FOXP2: variants seen among roughly 807,000 people sequenced by gnomAD.
FOXP2 encodes the protein forkhead box P2.
A neutral mutation model predicts 115.8 loss-of-function variants in FOXP2; 12 were observed. The ratio of observed to expected loss-of-function variants is 0.10; its 90% CI spans 0.07 to 0.17. The LOEUF is 0.17. Ranked by LOEUF, FOXP2 falls within the 10% of genes least tolerant of loss-of-function variation. The pLI is 1.00. For synonymous variants in FOXP2, 328 were observed against 297.7 expected, an observed-to-expected ratio of 1.10 and a Z score of -1.05; for missense variants, 629 against 843.5, an observed-to-expected ratio of 0.75 and a Z score of 3.15.
chr7:114,267,428 T>C (rs1795920436), intron 1 of FOXP2, among the ~76,000 whole-genome samples: 1 of 152,102 alleles, frequency 6.6e-6, no homozygotes, highest in African/African-American at 2.4e-5. Flanking sequence ...TACTTCTTTT[T>C]CAATTGTAGT....
At chr7:114,352,628 T>C (rs1037412961) in intron 2 of FOXP2, among the ~76,000 whole-genome samples, 1 of 152,200 alleles carries the variant, frequency 6.6e-6, no homozygotes, top group Admixed American at 6.5e-5. Flanking sequence ...CCTCAGACTT[T>C]TCTCCTTAGC....
chr7:114,468,376 ACTTG>A (rs1795901358), intron 2 of FOXP2, among the ~76,000 whole-genome samples: 1 of 152,048 alleles, frequency 6.6e-6, no homozygotes, highest in African/African-American at 2.4e-5. Context: ...CATGTCGCTC[ACTTG>A]CTTAAGAAAA....
chr7:114,343,097 A>T (rs1282886184), intron 2 of FOXP2, among the ~76,000 whole-genome samples: 1 of 151,602 alleles, frequency 6.6e-6, no homozygotes, highest in African/African-American at 2.4e-5. Context: ...TCATCTCTAG[A>T]ACTAAGTATT....
At chr7:114,199,578 G>A (rs537257906) in intron 1 of FOXP2, among the ~76,000 whole-genome samples, 91 of 152,256 alleles carry the variant, frequency 6.0e-4, no homozygotes, top group African/African-American at 2.2e-3. Flanking sequence ...AAGTCACAGA[G>A]CTCTGTATTT....
chr7:114,270,231 C>T (rs1796002180), intron 1 of FOXP2, among the ~76,000 whole-genome samples: 1 of 152,148 alleles, frequency 6.6e-6, no homozygotes, highest in South Asian at 2.1e-4. Context: ...TACTGAAGGA[C>T]ATCTTGCTAG....
intron 1 of FOXP2, among the ~76,000 whole-genome samples, chr7:114,215,834 C>T (rs897953204): frequency 3.3e-5 from 5 of 152,068 alleles, no homozygotes; most frequent in Non-Finnish European, 5.9e-5. Flanking sequence ...ATTTCCCATC[C>T]AAAATTTGGA....
intron 3 of FOXP2, chr7:114,560,823 A>T (rs889466594): frequency 1.3e-5 from 2 of 152,216 alleles, no homozygotes; most frequent in African/African-American, 4.8e-5. Context: ...ATTGACTGAA[A>T]TATGTATATT....
chr7:114,370,471 T>C (rs1366263533), intron 2 of FOXP2, among the ~76,000 whole-genome samples: 1 of 152,248 alleles, frequency 6.6e-6, no homozygotes, highest in Non-Finnish European at 1.5e-5. Flanking sequence ...ATGTAATTGA[T>C]GTCTGGTGGC....
intron 2 of FOXP2, among the ~76,000 whole-genome samples, chr7:114,482,129 T>C (rs1203925553): frequency 1.3e-5 from 2 of 151,334 alleles, no homozygotes; most frequent in African/African-American, 4.8e-5. Flanking sequence ...GAGAGAGGGA[T>C]TGTCTTGTAT....
At chr7:114,325,172 T>C (rs2129181997) in intron 2 of FOXP2, among the ~76,000 whole-genome samples, 1 of 152,022 alleles carries the variant, frequency 6.6e-6, no homozygotes, top group South Asian at 2.1e-4. Context: ...CAACTTAATA[T>C]GATGTTATTT....
At chr7:114,132,054 G>A (rs1363377208) in intron 1 of FOXP2, among the ~76,000 whole-genome samples, 17 of 151,948 alleles carry the variant, frequency 1.1e-4, no homozygotes, top group Non-Finnish European at 2.4e-4. Flanking sequence ...GCAAAAAAAC[G>A]CTTTGTTAAA....
At chr7:114,394,079 A>G (rs1176588980) in intron 2 of FOXP2, among the ~76,000 whole-genome samples, 1 of 151,826 alleles carries the variant, frequency 6.6e-6, no homozygotes, top group Non-Finnish European at 1.5e-5. Flanking sequence ...GTACTCCAAA[A>G]GCAATTAGCA....
intron 3 of FOXP2, among the ~76,000 whole-genome samples, chr7:114,554,527 T>C (rs140655451): frequency 6.6e-6 from 1 of 152,282 alleles, no homozygotes; most frequent in East Asian, 1.9e-4. Context: ...TATTTATATG[T>C]AAAAATGACA....
rs1160249774 is a variant in FOXP2 at position 114,293,733 on chromosome 7, C to T, written c.-11+5624C>T. 2.6e-5 allele frequency among the ~76,000 whole-genome samples: 4 copies of T among 152,298 alleles called. No homozygotes were observed. In the East Asian group the frequency reaches 7.8e-4, roughly 30 times the overall value. ...GGCACTCATTCTCTCTCCTACCACC[C>T]TGTCTTCAGAAGAAGTGCCTTCTGC... is the stretch of plus-strand genomic sequence containing the variant. On this transcript the variant is annotated intron_variant, in intron 2 of 17. Coordinates refer to the FOXP2 transcript ENST00000634411.
chr7:114,623,428 T>C (rs1804357673), intron 3 of FOXP2, among the ~76,000 whole-genome samples: 1 of 151,956 alleles, frequency 6.6e-6, no homozygotes, highest in South Asian at 2.1e-4. Flanking sequence ...AGGGGAACTT[T>C]AGCTTTGAGA....
chr7:114,393,582 G>T (rs1792663089), intron 2 of FOXP2, among the ~76,000 whole-genome samples: 1 of 152,024 alleles, frequency 6.6e-6, no homozygotes. Context: ...GGTGTGGGGA[G>T]TCAAAACCAC....
At chr7:114,381,287 CTTTGG>C (rs992426031) in intron 2 of FOXP2, among the ~76,000 whole-genome samples, 2 of 152,132 alleles carry the variant, frequency 1.3e-5, no homozygotes, top group Admixed American at 1.3e-4. Context: ...AGAGCTGAGC[CTTTGG>C]TTTGGAAACC....
intron 16 of FOXP2, among the ~76,000 whole-genome samples, chr7:114,675,422 TTAAGCTCAGGAAAAGAC>T (rs1807700841): frequency 6.6e-6 from 1 of 152,158 alleles, no homozygotes; most frequent in African/African-American, 2.4e-5. Flanking sequence ...AAAACAAAAG[TTAAGCTCAGGAAAAGAC>T]ATTTAAATAA....
intron 2 of FOXP2, among the ~76,000 whole-genome samples, chr7:114,481,066 CT>C: frequency 6.6e-6 from 1 of 151,286 alleles, no homozygotes; most frequent in South Asian, 2.1e-4. Context: ...TAGAAACAAC[CT>C]TTTATTCCAA....
Sources: allele counts gnomAD v4.1 joint callset (sites outside exome capture counted in the v4.1 genomes callset), GRCh38; gene constraint gnomAD v4.1.1; transcripts MANE v1.5; gene names NCBI Gene and HGNC (gene_info 2026-07-23, HGNC 2026-07-21).